The following TOLLIP variants were observed in gnomAD, a reference collection of about 807,000 sequenced individuals.
TOLLIP encodes toll-interacting protein.
A neutral mutation model predicts 33.5 loss-of-function variants in TOLLIP; 16 were observed. That is an observed-to-expected ratio of 0.48 (90% CI 0.32 to 0.72). The LOEUF (loss-of-function observed/expected upper bound fraction) is 0.72, where lower values mean the gene tolerates loss of function less well. Among genes scored for constraint, TOLLIP ranks in the 30% least tolerant of loss-of-function variants. The pLI, the probability that TOLLIP is intolerant of heterozygous loss-of-function variation, is 0.03. For missense variants in TOLLIP, 325 were observed against 396.6 expected (o/e 0.82, Z 1.53); for synonymous variants, 176 against 163.7 (o/e 1.07, Z -0.57).
At chr11:1,295,053 CA>C (rs1564975360) in intron 2 of TOLLIP, among the ~76,000 whole-genome samples, 5 of 129,064 alleles carry the variant, frequency 3.9e-5, no homozygotes, top group Admixed American at 2.4e-4. Context: ...GCGTGGCTCA[CA>C]GTGTGTCTCC....
chr11:1,289,962 G>A (rs369775514), intron 3 of TOLLIP: 142 of 456,110 alleles, frequency 3.1e-4, no homozygotes, highest in East Asian at 2.3e-3. Flanking sequence ...TGCGCCCAGC[G>A]GAGGGGACAC....
rs866205730 is a variant in TOLLIP, at chr11:1,277,998, C to T, written c.611-745G>A. 6.6e-5 allele frequency among the ~76,000 whole-genome samples: 10 copies of T among 152,348 alleles called. No individual in the cohort carries two copies. The South Asian group carries it at 1.7e-3, about 25-fold the overall frequency. On this transcript the variant is annotated intron_variant, in intron 5 of 5. Coordinates refer to ENST00000317204, the MANE Select transcript of TOLLIP (RefSeq NM_019009.4). This position sits in a 1 kb window ranked among gnomAD's most constrained non-coding sequence, Gnocchi z 4.2. The stretch of plus-strand genomic sequence containing the variant: ...ATCTCCACCCCACAGCTACGCAGGC[C>T]CCTCGCCCCATGTCTGATGCGGGAG...
intron 1 of TOLLIP, among the ~76,000 whole-genome samples, chr11:1,298,944 G>A (rs1233673162): frequency 6.6e-6 from 1 of 152,256 alleles, no homozygotes; most frequent in Non-Finnish European, 1.5e-5. Context: ...GTCCCAGATT[G>A]GAGATGGCAG....
rs1017212296 is a variant in TOLLIP, at chr11:1,303,857, G to A, written c.33+5609C>T. Among the ~76,000 whole-genome samples the A allele has an allele frequency of 6.6e-6, 1 of 152,154 alleles. No homozygotes were observed. Among genetic ancestry groups the A allele is most frequent in the Non-Finnish European group, 1.5e-5 (1 of 68,030 alleles). The stretch of plus-strand genomic sequence containing the variant: ...TCGAGAACAGCCTGGCCAACATGGT[G>A]AAACCCCATCTCTACTAAAAATACA... On this transcript the variant is annotated intron_variant, in intron 1 of 5. Coordinates refer to ENST00000317204, the MANE Select transcript of TOLLIP (RefSeq NM_019009.4). The surrounding 1 kb of genome is among the most constrained non-coding windows in gnomAD (Gnocchi z 4.2).
chr11:1,280,857 G>A (rs530098365), intron 5 of TOLLIP, among the ~76,000 whole-genome samples: 40 of 152,320 alleles, frequency 2.6e-4, no homozygotes, highest in Admixed American at 3.3e-4. Flanking sequence ...GCTGCAGCCC[G>A]AGTGCCCCTC....
At chr11:1,280,734 C>G (rs926867831) in intron 5 of TOLLIP, among the ~76,000 whole-genome samples, 1 of 151,976 alleles carries the variant, frequency 6.6e-6, no homozygotes, top group East Asian at 1.9e-4. Context: ...AGGTGGAAAG[C>G]AACAGGAGGA....
chr11:1,294,248 C>G (rs1196484109), intron 2 of TOLLIP, among the ~76,000 whole-genome samples: 7 of 129,442 alleles, frequency 5.4e-5, no homozygotes, highest in Admixed American at 4.6e-4. Flanking sequence ...CGAAAGCCCG[C>G]GTGGCTCACA....
At position 1,293,025 on chromosome 11, in the gene TOLLIP, C is replaced by G. The variant is rs373516730; in HGVS notation, c.184-2616G>C. ...CGGGAACGGACCTACTCTGGCCACG[C>G]TGCAGGGGCTGAGCGGGGGCAGTGG... On this transcript the variant is annotated intron_variant, in intron 2 of 5. Coordinates refer to ENST00000317204, the MANE Select transcript of TOLLIP (RefSeq NM_019009.4). 6.2e-4 allele frequency among the ~76,000 whole-genome samples: 95 copies of G among 152,210 alleles called. 2 individuals carry two copies. The South Asian group carries it at 0.02, about 31-fold the overall frequency.
rs958115960 is a variant in TOLLIP at position 1,290,680 on chromosome 11, G to T, written c.184-271C>A. 5.3e-5 allele frequency among the ~76,000 whole-genome samples: 8 copies of T among 152,238 alleles called. No individual in the cohort carries two copies. In the East Asian group the frequency reaches 1.5e-3, roughly 29 times the overall value. On this transcript the variant is annotated intron_variant, in intron 2 of 5. Transcript: ENST00000317204. This position sits in a 1 kb window ranked among gnomAD's most constrained non-coding sequence, Gnocchi z 4.9. ...CTACGACGCTCACAGACACAGCTGA[G>T]GCCGCCACTCACCCACCATGAAGGG...
Position 1,286,063 on chromosome 11 carries a change from G to C in TOLLIP, c.549C>G (p.Pro183=). Residue 183 remains proline (P), a synonymous_variant, in exon 5 of 6, where the codon CCC becomes CCG. Coordinates refer to ENST00000317204, the MANE Select transcript of TOLLIP (RefSeq NM_019009.4). ...ALLPAAMVMP[P]QPVVLMPTVY... Reference sequence around the variant, plus strand: ...CTGTTGGCATCAGGACCACGGGCTGGGGTGGCATCACCATGGCAGCTGGAA... The same window carrying C: ...CTGTTGGCATCAGGACCACGGGCTGCGGTGGCATCACCATGGCAGCTGGAA... 1 of 1,600,032 alleles carries C rather than the reference G, an allele frequency of 6.2e-7. No individual in the cohort carries two copies. Among genetic ancestry groups the C allele is most frequent in the Non-Finnish European group, 8.5e-7 (1 of 1,174,590 alleles).
intron 5 of TOLLIP, 116 bp downstream of exon 5, chr11:1,285,886 T>A: frequency 1.4e-6 from 1 of 693,824 alleles, no homozygotes; most frequent in Non-Finnish European, 2.4e-6. Flanking sequence ...TACAGGATTC[T>A]AGAATGGATG....
intron 1 of TOLLIP, 129 bp downstream of exon 1, chr11:1,309,337 G>A (rs1449267383): frequency 2.1e-6 from 1 of 465,772 alleles, no homozygotes; most frequent in Non-Finnish European, 3.3e-6. Context: ...GGCCGGCCAG[G>A]CGCCCCGCGT....
At chr11:1,302,783 G>A (rs1864320955) in intron 1 of TOLLIP, 3 of 985,570 alleles carry the variant, frequency 3.0e-6, no homozygotes, top group African/African-American at 1.7e-5. Context: ...CAGCTCCCAC[G>A]CCAGTGTGGA....
chr11:1,290,342 G>A lies in TOLLIP; in HGVS notation c.251C>T (p.Ala84Val), dbSNP rs749248053. The A allele has an allele frequency of 1.1e-5, 17 of 1,613,476 alleles. No individual in the cohort carries two copies. The East Asian group carries it at 2.7e-4, about 25-fold the overall frequency. ...DPYCRLRLGYAVYETPTAHNG... is the reference protein window; with the variant it reads ...DPYCRLRLGYVVYETPTAHNG... ...GTGTGCCGTGGGCGTCTCGTACACC[G>A]CGTAGCCCAGGCGCAGTCGGCAGTA... is the stretch of plus-strand genomic sequence containing the variant. Residue 84 changes from alanine (A) to valine (V), a missense_variant, in exon 3 of 6, where the codon GCG (alanine) becomes GTG (valine). Transcript: ENST00000317204. The surrounding 1 kb of genome is among the most constrained non-coding windows in gnomAD (Gnocchi z 4.9).
chr11:1,302,659 C>T, intron 1 of TOLLIP: 2 of 987,484 alleles, frequency 2.0e-6, no homozygotes, highest in Non-Finnish European at 2.4e-6. Flanking sequence ...CTCCCCAAAA[C>T]CCACTCCAGC....
intron 5 of TOLLIP, among the ~76,000 whole-genome samples, chr11:1,281,908 G>A (rs967186501): frequency 1.3e-5 from 2 of 152,250 alleles, no homozygotes; most frequent in East Asian, 1.9e-4. Context: ...CCCTGAGCAC[G>A]CAGCCGCCAG....
intron 1 of TOLLIP, among the ~76,000 whole-genome samples, chr11:1,305,570 T>C (rs558882693): frequency 6.6e-6 from 1 of 152,320 alleles, no homozygotes; most frequent in African/African-American, 2.4e-5. Context: ...AGCTAATCTT[T>C]ACAAACAATC....
chr11:1,304,777 T>C (rs1453239793), intron 1 of TOLLIP, among the ~76,000 whole-genome samples: 2 of 151,966 alleles, frequency 1.3e-5, no homozygotes, highest in Non-Finnish European at 2.9e-5. Context: ...CTCCATTTAA[T>C]AAATTCAAAA....
chr11:1,309,388 G>T, intron 1 of TOLLIP, 78 bp downstream of exon 1: 1 of 816,246 alleles, frequency 1.2e-6, no homozygotes, highest in Non-Finnish European at 1.6e-6. Context: ...AGCCGCAGCT[G>T]AGCAGTAGCC....
Sources: allele counts gnomAD v4.1 joint callset (sites outside exome capture counted in the v4.1 genomes callset), GRCh38; gene constraint gnomAD v4.1.1; non-coding constraint Gnocchi (gnomAD v3.1); transcripts MANE v1.5; gene names NCBI Gene and HGNC (gene_info 2026-07-23, HGNC 2026-07-21).